PTBP3: variants seen among roughly 807,000 people sequenced by gnomAD.
PTBP3 encodes polypyrimidine tract binding protein 3, also known as polypyrimidine tract-binding protein 3.
PTBP3 carries 20 observed loss-of-function variants against 58.7 expected under a neutral mutation model. The observed-to-expected ratio is 0.34, with a 90% CI of 0.24 to 0.50. The LOEUF (loss-of-function observed/expected upper bound fraction) is 0.50, where lower values mean the gene tolerates loss of function less well. Ranked by LOEUF, PTBP3 falls within the 20% of genes least tolerant of loss-of-function variation. The pLI is 0.98. For synonymous variants in PTBP3, 185 were observed against 219.8 expected (o/e 0.84, Z 1.40); for missense variants, 509 against 637.2 (o/e 0.80, Z 2.17).
intron 2 of PTBP3, among the ~76,000 whole-genome samples, chr9:112,288,037 A>G (rs567910021): frequency 3.9e-5 from 6 of 152,272 alleles, no homozygotes; most frequent in Admixed American, 2.0e-4. Context: ...TTTTTCTTTT[A>G]AAGTGTTAGA....
chr9:112,372,733 G>GT, the PTBP3 span, among the ~76,000 whole-genome samples: 1 of 152,108 alleles, frequency 6.6e-6, no homozygotes, highest in Non-Finnish European at 1.5e-5. Flanking sequence ...ATTTTAGCAT[G>GT]TATCAGTACT....
At chr9:112,325,434 C>A (rs1414087372) in intron 1 of PTBP3, among the ~76,000 whole-genome samples, 1 of 152,112 alleles carries the variant, frequency 6.6e-6, no homozygotes, top group Non-Finnish European at 1.5e-5. Flanking sequence ...GGACCCCTCT[C>A]TTTGCTGAGA....
At chr9:112,320,314 A>ATATATATATATATATATATTTTTTT in intron 1 of PTBP3, among the ~76,000 whole-genome samples, 2 of 75,694 alleles carry the variant, frequency 2.6e-5, no homozygotes, top group Non-Finnish European at 4.6e-5. Flanking sequence ...ATATATATAT[A>ATATATATATATATATATATTTTTTT]TTTTTTTTTA....
intron 1 of PTBP3, among the ~76,000 whole-genome samples, chr9:112,332,209 CAAATAA>C (rs1830403363): frequency 6.6e-6 from 1 of 152,124 alleles, no homozygotes; most frequent in African/African-American, 2.4e-5. Context: ...AAGCTTCAAT[CAAATAA>C]AAATAAAGAA....
chr9:112,269,658 C>T (rs1269782197), intron 3 of PTBP3, among the ~76,000 whole-genome samples: 1 of 152,176 alleles, frequency 6.6e-6, no homozygotes, highest in Non-Finnish European at 1.5e-5. Context: ...CTCTTTGTAG[C>T]TCTAACATGA....
intron 10 of PTBP3, among the ~76,000 whole-genome samples, chr9:112,230,643 T>C (rs986386482): frequency 6.6e-6 from 1 of 152,216 alleles, no homozygotes; most frequent in Non-Finnish European, 1.5e-5. Context: ...TGAAATAATC[T>C]ACCCTTGGAT....
At chr9:112,316,485 T>C (rs768812795) in intron 1 of PTBP3, among the ~76,000 whole-genome samples, 11 of 152,122 alleles carry the variant, frequency 7.2e-5, no homozygotes, top group Non-Finnish European at 1.3e-4. Context: ...AGCTCGAACA[T>C]GGATTCTTCC....
upstream of PTBP3, among the ~76,000 whole-genome samples, chr9:112,334,147 C>T (rs1243260978): frequency 5.3e-5 from 8 of 152,074 alleles, no homozygotes; most frequent in East Asian, 1.4e-3. Flanking sequence ...TCTGGCAGCC[C>T]GGCGCTGGAG....
upstream of PTBP3, among the ~76,000 whole-genome samples, chr9:112,336,916 A>G (rs1830581883): frequency 6.6e-6 from 1 of 152,260 alleles, no homozygotes; most frequent in Non-Finnish European, 1.5e-5. Context: ...CTCAATGTCC[A>G]GCTTTACAAC....
chr9:112,333,338 G>A, intron 1 of PTBP3, 132 bp downstream of exon 1: 1 of 1,130,704 alleles, frequency 8.8e-7, no homozygotes, highest in African/African-American at 1.6e-5. Context: ...CCCGCCGTCG[G>A]GCTTGGCCGG....
At chr9:112,234,975 T>C (rs1589804720) in intron 7 of PTBP3, 78 bp from the exon 8 acceptor site, 1 of 1,166,872 alleles carries the variant, frequency 8.6e-7, no homozygotes, top group East Asian at 2.4e-5. Context: ...AATGGCTCTA[T>C]GAAAGTATAT....
intron 2 of PTBP3, among the ~76,000 whole-genome samples, chr9:112,291,083 A>G (rs1233226401): frequency 6.6e-6 from 1 of 151,934 alleles, no homozygotes; most frequent in Non-Finnish European, 1.5e-5. Flanking sequence ...TTAGCTGGGC[A>G]TGGTGGCGGG....
chr9:112,299,915 A>G (rs533179913), intron 1 of PTBP3, among the ~76,000 whole-genome samples: 6 of 152,378 alleles, frequency 3.9e-5, no homozygotes, highest in African/African-American at 1.2e-4. Context: ...GTGTAGCTCC[A>G]TAACAGCTAC....
intron 7 of PTBP3, among the ~76,000 whole-genome samples, chr9:112,247,665 T>C (rs1482913335): frequency 1.3e-5 from 2 of 152,138 alleles, no homozygotes; most frequent in African/African-American, 4.8e-5. Context: ...CAATGAGCTA[T>C]GATCACGCCA....
intron 2 of PTBP3, among the ~76,000 whole-genome samples, chr9:112,286,080 T>C (rs1370530038): frequency 1.3e-5 from 2 of 152,236 alleles, no homozygotes; most frequent in Non-Finnish European, 2.9e-5. Flanking sequence ...CCTGGTAATA[T>C]TCTTTTGCCC....
At position 112,324,046 on chromosome 9, in the gene PTBP3, G is replaced by A. The variant is rs1213935666; in HGVS notation, c.-52+9424C>T. On this transcript the variant is annotated intron_variant, in intron 1 of 13. Coordinates refer to ENST00000374257, the MANE Select transcript of PTBP3 (RefSeq NM_001163788.4). Reference sequence around the variant, plus strand: ...AAAACACCGTACCTATGGAGGTACAGGGACAAGAATTACAGAGGTTTCTTT... The same window carrying A: ...AAAACACCGTACCTATGGAGGTACAAGGACAAGAATTACAGAGGTTTCTTT... Among the ~76,000 whole-genome samples the A allele has an allele frequency of 2.0e-5, 3 of 152,084 alleles. 1 individual carries two copies. The East Asian group carries it at 5.8e-4, about 29-fold the overall frequency.
At chr9:112,265,395 C>A (rs1235440667) in intron 4 of PTBP3, among the ~76,000 whole-genome samples, 1 of 131,598 alleles carries the variant, frequency 7.6e-6, no homozygotes, top group African/African-American at 3.0e-5. Context: ...CCCAGCTACT[C>A]GTGAGGCTAA....
intron 7 of PTBP3, 113 bp from the exon 8 acceptor site, chr9:112,235,010 G>A: frequency 1.2e-6 from 1 of 813,134 alleles, no homozygotes; most frequent in Non-Finnish European, 1.9e-6. Context: ...TTCTGTTACG[G>A]AGTAAAGATC....
At chr9:112,279,259 T>C (rs1241340468) in intron 2 of PTBP3, among the ~76,000 whole-genome samples, 1 of 152,218 alleles carries the variant, frequency 6.6e-6, no homozygotes, top group Non-Finnish European at 1.5e-5. Context: ...TTTTCAAAAA[T>C]CTTAATACAA....
Sources: gnomAD v4.1 joint callset for allele counts (sites outside exome capture counted in the v4.1 genomes callset) on GRCh38, gnomAD v4.1.1 for gene constraint, MANE v1.5 for transcripts, NCBI Gene and HGNC (gene_info 2026-07-23, HGNC 2026-07-21) for gene names.